NELFA: variants seen among roughly 807,000 people sequenced by gnomAD.
NELFA encodes negative elongation factor complex member A.
NELFA carries 35 observed loss-of-function variants against 51.8 expected under a neutral mutation model. The ratio of observed to expected loss-of-function variants is 0.68; its 90% confidence interval spans 0.52 to 0.90. The LOEUF (loss-of-function observed/expected upper bound fraction) is 0.90. Ranked by LOEUF, NELFA falls within the 40% of genes least tolerant of loss-of-function variation. NELFA has a pLI of 0.00. For missense variants in NELFA, 658 were observed against 746.4 expected, an observed-to-expected ratio of 0.88 and a Z score of 1.38; for synonymous variants, 417 against 338.4, an observed-to-expected ratio of 1.23 and a Z score of -2.55.
intron 1 of NELFA, among the ~76,000 whole-genome samples, chr4:1,999,940 T>C (rs945922319): frequency 6.6e-6 from 1 of 152,088 alleles, no homozygotes; most frequent in Non-Finnish European, 1.5e-5. Context: ...CAGACCACAG[T>C]GCAAATTAGA....
rs1281733846 is a variant in NELFA, at chr4:1,983,517, G to T, written c.1403-14C>A. On this transcript the variant is annotated splice_polypyrimidine_tract_variant and intron_variant, in intron 10 of 10. Coordinates refer to ENST00000382882, the MANE Select transcript of NELFA (RefSeq NM_005663.5). ...GGCACGGGTTCTCTGCAGAGAGCAG[G>T]AGCTGCTGGGTGGGTGTCTGGGGGC... 2 of 1,613,190 alleles carry T rather than the reference G, an allele frequency of 1.2e-6. No individual in the cohort carries two copies. The highest frequency in any genetic ancestry group is 1.7e-6 in the Non-Finnish European group (2 of 1,179,540).
At chr4:1,986,693 T>A in intron 4 of NELFA, 1 of 381,778 alleles carries the variant, frequency 2.6e-6, no homozygotes, top group Non-Finnish European at 4.9e-6. Context: ...GGCTGAGCTC[T>A]GCCTCCTTCC....
chr4:2,008,931 C>T lies in NELFA; in HGVS notation c.29G>A (p.Gly10Asp). The T allele has an allele frequency of 6.4e-7, 1 of 1,569,664 alleles. No individual in the cohort carries two copies. The highest frequency in any genetic ancestry group is 8.6e-7 in the Non-Finnish European group (1 of 1,157,590). The change falls in exon 1 of 11, where the codon GGC becomes GAC. Residue 10 changes from glycine (G) to aspartate (D), a missense_variant. This residue lies in a region of NELFA where 371 missense variants were observed against 448.3 expected (regional missense o/e 0.83). Transcript: ENST00000382882. Reference sequence around the variant, plus strand: ...CCCCAGCTTGTTGTGCAGCCACAGGCCCGTGTCGCTCTCCCGCATGGACGC... The same window carrying T: ...CCCCAGCTTGTTGTGCAGCCACAGGTCCGTGTCGCTCTCCCGCATGGACGC... MASMRESDT[G>D]LWLHNKLGAT...
chr4:1,991,578 G>T lies in NELFA; in HGVS notation c.348C>A (p.Asn116Lys). 1 of 1,614,042 alleles carries T rather than the reference G, an allele frequency of 6.2e-7. No individual in the cohort carries two copies. Among genetic ancestry groups the T allele is most frequent in the Non-Finnish European group, 8.5e-7 (1 of 1,180,020 alleles). Residue 116 changes from asparagine (N) to lysine (K), a missense_variant, in exon 2 of 11, where the codon AAC (asparagine) becomes AAA (lysine). Asn to Lys is a moderately conservative substitution (Grantham distance 94). Around this residue, in one of 3 missense-constraint regions of NELFA, gnomAD observed 371 missense variants for 448.3 expected, o/e 0.83. Transcript: ENST00000382882. ...LNLELEEQNP[N>K]VQDILGELRE... Reference sequence around the variant, plus strand: ...TAAGTTCTCCCAAAATATCCTGAACGTTGGGATTCTGCTCCTCCAGCTCCA... The same window carrying T: ...TAAGTTCTCCCAAAATATCCTGAACTTTGGGATTCTGCTCCTCCAGCTCCA...
At chr4:2,001,033 A>C (rs1728554916) in intron 1 of NELFA, among the ~76,000 whole-genome samples, 2 of 152,252 alleles carry the variant, frequency 1.3e-5, no homozygotes, top group South Asian at 4.1e-4. Context: ...ACAGAACCAA[A>C]GACAAAAACC....
intron 4 of NELFA, among the ~76,000 whole-genome samples, chr4:1,987,091 C>CA (rs1728128468): frequency 6.6e-6 from 1 of 152,126 alleles, no homozygotes; most frequent in Non-Finnish European, 1.5e-5. Context: ...GACGGCCCCC[C>CA]ACACAGCGAC....
At chr4:1,990,497 A>G (rs1257656027) in intron 2 of NELFA, 1 of 456,666 alleles carries the variant, frequency 2.2e-6, no homozygotes, top group Non-Finnish European at 4.4e-6. Flanking sequence ...TGAGACACGA[A>G]CGGGTGGGGT....
chr4:1,990,808 GTTTCT>G (rs1341864955), intron 2 of NELFA, among the ~76,000 whole-genome samples: 3 of 152,294 alleles, frequency 2.0e-5, no homozygotes, highest in Non-Finnish European at 2.9e-5. Context: ...ACAAATAGTT[GTTTCT>G]TTTAAGAGAT....
intron 1 of NELFA, among the ~76,000 whole-genome samples, chr4:1,996,527 G>GT (rs1447189185): frequency 6.6e-6 from 1 of 152,190 alleles, no homozygotes; most frequent in African/African-American, 2.4e-5. Context: ...GTTCAACAAA[G>GT]CCAGAAGCTG....
chr4:1,988,946 GTT>G (rs35323893), intron 3 of NELFA, among the ~76,000 whole-genome samples: 1 of 136,666 alleles, frequency 7.3e-6, no homozygotes. Flanking sequence ...AAGTTGGTGG[GTT>G]TTTTTTTTTT....
chr4:2,002,283 TATC>T (rs1728603465), intron 1 of NELFA, among the ~76,000 whole-genome samples: 1 of 152,170 alleles, frequency 6.6e-6, no homozygotes, highest in South Asian at 2.1e-4. Flanking sequence ...GAAGAATCAG[TATC>T]ATGAAAATGG....
intron 1 of NELFA, among the ~76,000 whole-genome samples, chr4:2,006,421 T>C (rs1728711489): frequency 6.6e-6 from 1 of 152,092 alleles, no homozygotes; most frequent in Admixed American, 6.6e-5. Flanking sequence ...CCAATGATAG[T>C]GGGCGGATGA....
At chr4:1,998,740 C>G (rs565748280) in intron 1 of NELFA, among the ~76,000 whole-genome samples, 6 of 152,216 alleles carry the variant, frequency 3.9e-5, no homozygotes, top group South Asian at 2.1e-4. Flanking sequence ...AGGATATTAT[C>G]CAGAACTTCC....
chr4:1,986,216 C>T (rs373280394), intron 5 of NELFA, 33 bp from the exon 6 acceptor site: 27 of 1,561,110 alleles, frequency 1.7e-5, no homozygotes, highest in East Asian at 1.2e-4. Flanking sequence ...GCCTTAGTGA[C>T]GGCACCAGGG....
At chr4:1,991,458 TA>T (rs923912619) in intron 2 of NELFA, 85 bp downstream of exon 2, 2 of 1,447,472 alleles carry the variant, frequency 1.4e-6, no homozygotes, top group Non-Finnish European at 9.6e-7. Flanking sequence ...CGTAAAGGTC[TA>T]AAAATCAAAT....
rs1021623807 is a variant in NELFA at position 1,984,133 on chromosome 4, T to A, written c.1037-20A>T. 3.3e-6 allele frequency: 5 copies of A among 1,522,106 alleles called. No homozygotes were observed. The Admixed American group carries it at 6.2e-5, about 19-fold the overall frequency. The allele number at this position is 1,522,106 out of a possible 1,614,324, so 94.3% of individuals were successfully genotyped here. On this transcript the variant is annotated intron_variant, in intron 8 of 10. Transcript: ENST00000382882. ...ATGGGGCTGCAAGTAGACCGGGGCC[T>A]GGTGAGGGGGCTGGACCCCCACCCT...
At chr4:2,004,288 A>G (rs1208832457) in intron 1 of NELFA, 2 of 152,220 alleles carry the variant, frequency 1.3e-5, no homozygotes, top group Admixed American at 1.3e-4. Flanking sequence ...CTATAGAAGC[A>G]AAAAGTAGAT....
intron 2 of NELFA, chr4:1,990,601 C>T: frequency 2.3e-6 from 1 of 442,212 alleles, no homozygotes; most frequent in Admixed American, 2.4e-5. Context: ...GGGGGGTGGC[C>T]AGCAGGGCCC....
At chr4:1,991,270 A>C (rs1728259672) in intron 2 of NELFA, among the ~76,000 whole-genome samples, 1 of 152,180 alleles carries the variant, frequency 6.6e-6, no homozygotes, top group Non-Finnish European at 1.5e-5. Flanking sequence ...CACGGAGCCG[A>C]CCAGAGAGAG....
Sources: gnomAD v4.1 joint callset for allele counts (sites outside exome capture counted in the v4.1 genomes callset) on GRCh38, gnomAD v4.1.1 for gene constraint, gnomAD v4.1.1 regional missense constraint, MANE v1.5 for transcripts, NCBI Gene and HGNC (gene_info 2026-07-23, HGNC 2026-07-21) for gene names.